FBRSL1: variants seen among roughly 807,000 people sequenced by gnomAD.
FBRSL1 encodes fibrosin-1-like protein.
A neutral mutation model predicts 89.6 loss-of-function variants in FBRSL1; 51 were observed. The observed-to-expected ratio is 0.57, with a 90% CI of 0.45 to 0.72. FBRSL1 has a LOEUF of 0.72. Ranked by LOEUF, FBRSL1 falls within the 30% of genes least tolerant of loss-of-function variation. The pLI, the probability that FBRSL1 is intolerant of heterozygous loss-of-function variation, is 0.00. For missense variants in FBRSL1, 1,618 were observed against 1,451.8 expected (o/e 1.11, Z -1.86); for synonymous variants, 779 against 681.1 (o/e 1.14, Z -2.24).
chr12:132,559,930 GC>G (rs914644182), intron 5 of FBRSL1: 1 of 147,776 alleles, frequency 6.8e-6, no homozygotes, highest in Admixed American at 6.7e-5. Flanking sequence ...CCCGCGCCCC[GC>G]CCCCGCCCCG....
intron 2 of FBRSL1, chr12:132,509,630 C>T: frequency 8.1e-7 from 1 of 1,231,570 alleles, no homozygotes; most frequent in Non-Finnish European, 1.0e-6. Flanking sequence ...TGGTCCCCTG[C>T]CTCTACTGCC....
At chr12:132,495,891 G>A (rs367982054) in intron 1 of FBRSL1, among the ~76,000 whole-genome samples, 30 of 152,236 alleles carry the variant, frequency 2.0e-4, no homozygotes, top group African/African-American at 7.2e-4. Context: ...CTCTGGGAAG[G>A]GTTCCACGTC....
intron 4 of FBRSL1, among the ~76,000 whole-genome samples, chr12:132,539,700 CA>C (rs2037076467): frequency 8.8e-6 from 1 of 113,464 alleles, no homozygotes; most frequent in Non-Finnish European, 1.8e-5. Flanking sequence ...CTTCCAGCCC[CA>C]TGCCCACCCA....
intron 8 of FBRSL1, 98 bp from the exon 9 acceptor site, chr12:132,570,970 A>C: frequency 3.7e-6 from 3 of 816,206 alleles, no homozygotes; most frequent in Non-Finnish European, 4.4e-6. Flanking sequence ...CAGGCTGGGG[A>C]CGGCCCCGTG....
Position 132,527,784 on chromosome 12 carries a change from C to G in FBRSL1, c.580-169C>G, listed in dbSNP as rs868273206. On this transcript the variant is annotated intron_variant, in intron 3 of 18. Coordinates refer to ENST00000680143, the MANE Select transcript of FBRSL1 (RefSeq NM_001367871.1). The stretch of plus-strand genomic sequence containing the variant: ...GCAGGGTTGTGGGCTGCGGGGCTGC[C>G]GGGCAGGGTTGAGGGCTTCGGGTCT... Among the ~76,000 whole-genome samples, 9 of 115,660 alleles carry G rather than the reference C, an allele frequency of 7.8e-5. 1 individual carries two copies. In the East Asian group the frequency reaches 9.8e-4, roughly 13 times the overall value. 75.9% of individuals were successfully genotyped at this position (115,660 alleles called of 152,430 possible).
intron 2 of FBRSL1, among the ~76,000 whole-genome samples, chr12:132,513,518 G>A (rs1471299162): frequency 6.6e-6 from 1 of 152,206 alleles, no homozygotes; most frequent in East Asian, 1.9e-4. Flanking sequence ...TGGGGCCTGC[G>A]TGCAGTGCTT....
At chr12:132,579,858 G>C (rs1342609067) in intron 15 of FBRSL1, among the ~76,000 whole-genome samples, 1 of 152,200 alleles carries the variant, frequency 6.6e-6, no homozygotes, top group African/African-American at 2.4e-5. Flanking sequence ...TCCAAGTACT[G>C]ATTTTTTTTC....
At chr12:132,567,421 C>T (rs2039703055) in intron 5 of FBRSL1, 60 bp from the exon 6 acceptor site, 3 of 1,516,464 alleles carry the variant, frequency 2.0e-6, no homozygotes, top group Non-Finnish European at 2.7e-6. Context: ...GCATTGGGCG[C>T]AAGGTCCACG....
intron 4 of FBRSL1, among the ~76,000 whole-genome samples, chr12:132,531,718 G>A (rs566143035): frequency 2.6e-5 from 4 of 152,336 alleles, no homozygotes; most frequent in South Asian, 2.1e-4. Flanking sequence ...TGTTGTGCAC[G>A]TGTGCACCCC....
chr12:132,560,451 C>G (rs1052289819), intron 5 of FBRSL1, among the ~76,000 whole-genome samples: 63 of 151,934 alleles, frequency 4.1e-4, no homozygotes, highest in South Asian at 8.3e-4. Context: ...AGGCCCGGGT[C>G]AGGGCACCCG....
chr12:132,551,442 C>T (rs1445237195), intron 5 of FBRSL1: 2 of 456,198 alleles, frequency 4.4e-6, no homozygotes, highest in Non-Finnish European at 8.8e-6. Context: ...GAAGCGGATG[C>T]CGGGGCAGGT....
chr12:132,493,131 A>G (rs575173010), intron 1 of FBRSL1, among the ~76,000 whole-genome samples: 2 of 152,336 alleles, frequency 1.3e-5, no homozygotes, highest in Non-Finnish European at 2.9e-5. Flanking sequence ...ACTGGGTGCC[A>G]CGCCTGTCCG....
At chr12:132,548,152 C>CAAG in intron 5 of FBRSL1, 120 bp downstream of exon 5, 5 of 1,255,620 alleles carry the variant, frequency 4.0e-6, no homozygotes, top group Middle Eastern at 1.9e-4. Flanking sequence ...GGGATCCCCC[C>CAAG]GCCCGGTGGG....
At position 132,583,734 on chromosome 12, in the gene FBRSL1, G is replaced by C; in HGVS notation, c.2965G>C (p.Asp989His). 1 of 1,216,124 alleles carries C rather than the reference G, an allele frequency of 8.2e-7. No individual in the cohort carries two copies. The highest frequency in any genetic ancestry group is 1.0e-6 in the Non-Finnish European group (1 of 977,848). 75.3% of individuals were successfully genotyped at this position (1,216,124 alleles called of 1,614,324 possible). The change falls in exon 19 of 19, where the codon GAC (aspartate) becomes CAC (histidine). Residue 989 changes from aspartate (D) to histidine (H), a missense_variant. Physicochemically the swap from Asp to His is moderately conservative, Grantham distance 81. Transcript: ENST00000680143. The stretch of plus-strand genomic sequence containing the variant: ...GGGCCTCGGGCCGGGCGAGGCGCGC[G>C]ACTACTCCCCGTCCCGAAATCCCCC... The part of the protein sequence containing the change: ...LGGLGPGEAR[D>H]YSPSRNPPEV...
intron 4 of FBRSL1, among the ~76,000 whole-genome samples, chr12:132,535,981 G>T (rs528389516): frequency 6.6e-6 from 1 of 152,176 alleles, no homozygotes; most frequent in East Asian, 1.9e-4. Flanking sequence ...CCATGATGGT[G>T]TGAGTGCACG....
intron 1 of FBRSL1, chr12:132,507,502 A>G (rs2033826314): frequency 5.6e-6 from 5 of 889,980 alleles, no homozygotes; most frequent in Non-Finnish European, 6.7e-6. Context: ...GCAGGCTAGA[A>G]GGTGCTCTGA....
chr12:132,526,217 G>A (rs1056350331), intron 3 of FBRSL1, among the ~76,000 whole-genome samples: 2 of 152,262 alleles, frequency 1.3e-5, no homozygotes, highest in Admixed American at 6.5e-5. Flanking sequence ...GCAGGCGGAC[G>A]GCCGCCGAGT....
intron 1 of FBRSL1, among the ~76,000 whole-genome samples, chr12:132,506,756 C>T (rs2033733091): frequency 6.6e-6 from 1 of 152,256 alleles, no homozygotes; most frequent in South Asian, 2.1e-4. Context: ...ACTCTGGAGG[C>T]CATGGGCTCT....
Position 132,574,637 on chromosome 12 carries a change from A to C in FBRSL1, c.1701+73A>C, listed in dbSNP as rs1310935547. The C allele has an allele frequency of 1.4e-5, 21 of 1,508,440 alleles. 1 individual carries two copies. The South Asian group carries it at 2.6e-4, about 18-fold the overall frequency. The allele number at this position is 1,508,440 out of a possible 1,614,324, so 93.4% of individuals were successfully genotyped here. Reference sequence around the variant, plus strand: ...CCTGGTCGGGCCCTGAAGGCCAGGCATGAGGCTGTGTGTGTTCACACGCGT... The same window carrying C: ...CCTGGTCGGGCCCTGAAGGCCAGGCCTGAGGCTGTGTGTGTTCACACGCGT... On this transcript the variant is annotated intron_variant, in intron 14 of 18. Transcript: ENST00000680143.
Sources: allele counts gnomAD v4.1 joint callset (sites outside exome capture counted in the v4.1 genomes callset), GRCh38; gene constraint gnomAD v4.1.1; transcripts MANE v1.5; gene names NCBI Gene and HGNC (gene_info 2026-07-23, HGNC 2026-07-21).